The following PDX1 variants were observed in gnomAD, a reference collection of about 807,000 sequenced individuals.
PDX1 encodes pancreatic and duodenal homeobox 1, also known as pancreas/duodenum homeobox protein 1.
Under a neutral mutation model 11.1 loss-of-function variants are expected in PDX1, and 7 were observed. The ratio of observed to expected loss-of-function variants is 0.63; its 90% CI spans 0.36 to 1.19. The LOEUF (loss-of-function observed/expected upper bound fraction) is 1.19, where lower values mean the gene tolerates loss of function less well. Ranked by LOEUF, PDX1 falls within the 50% of genes most tolerant of loss-of-function variation. PDX1 has a pLI of 0.02. For synonymous variants in PDX1, 232 were observed against 196.2 expected, an observed-to-expected ratio of 1.18 and a Z score of -1.53; for missense variants, 449 against 412.1, an observed-to-expected ratio of 1.09 and a Z score of -0.78.
At position 27,924,619 on chromosome 13, in the gene PDX1, G is replaced by T; in HGVS notation, c.770G>T (p.Arg257Leu). 2 of 1,471,902 alleles carry T rather than the reference G, an allele frequency of 1.4e-6. No individual in the cohort carries two copies. The highest frequency in any genetic ancestry group is 1.8e-6 in the Non-Finnish European group (2 of 1,117,160). 91.2% of individuals were successfully genotyped at this position (1,471,902 alleles called of 1,614,324 possible). The change falls in exon 2 of 2, where the codon CGA becomes CTA. Residue 257 changes from arginine to leucine, a missense_variant. This residue lies in a region of PDX1 where 139 missense variants were observed against 121.4 expected (regional missense o/e 1.14). Transcript: ENST00000381033. This position sits in a 1 kb window ranked among gnomAD's most constrained non-coding sequence, Gnocchi z 4.8. ...CCGCCCGCTGCCCCCGTTGCCGCCC[G>T]AGAGGGCCGCCTGCCGCCTGGCCTT... Reference protein sequence around the residue: ...AVPPAAPVAAREGRLPPGLSA... With the variant: ...AVPPAAPVAALEGRLPPGLSA...
rs1957813914 is a variant in PDX1, at chr13:27,924,816, T to C, written c.*115T>C. 1.2e-6 allele frequency: 1 copy of C among 862,284 alleles called. No individual in the cohort carries two copies. Among genetic ancestry groups the C allele is most frequent in the Admixed American group, 4.2e-5 (1 of 23,990 alleles). The allele number at this position is 862,284 out of a possible 1,614,324, so 53.4% of individuals were successfully genotyped here. On this transcript the variant is annotated 3_prime_UTR_variant, in exon 2 of 2. Transcript: ENST00000381033. This position sits in a 1 kb window ranked among gnomAD's most constrained non-coding sequence, Gnocchi z 4.8. ...CCCTGGCAGTTGAATGGGGCGGCAATTGCGGGGCCCACCTTAGACCGAAGG... is the reference window on the plus strand; with the variant it reads ...CCCTGGCAGTTGAATGGGGCGGCAACTGCGGGGCCCACCTTAGACCGAAGG...
At position 27,920,192 on chromosome 13, in the gene PDX1, C is replaced by T; in HGVS notation, c.54C>T (p.Cys18=). The T allele has an allele frequency of 6.5e-7, 1 of 1,549,854 alleles. No homozygotes were observed. The highest frequency in any genetic ancestry group is 8.7e-7 in the Non-Finnish European group (1 of 1,146,658). Residue 18 remains cysteine, a synonymous_variant, in exon 1 of 2, where the codon TGC becomes TGT. Transcript: ENST00000381033. ...CCACGCAGCTTTACAAGGACCCATG[C>T]GCGTTCCAGCGAGGCCCGGCGCCGG... ...YAATQLYKDP[C]AFQRGPAPEF...
In PDX1 at chr13:27,920,130, GC is replaced by G; in HGVS notation, c.-7del. On this transcript the variant is annotated 5_prime_UTR_variant, in exon 1 of 2. Transcript: ENST00000381033. Reference sequence around the variant, plus strand: ...CCCGGCTCCCGGTGCCCAATCCCGGGCCGCAGCCATGAACGGCGAGGAGCAG... The same window carrying G: ...CCCGGCTCCCGGTGCCCAATCCCGGGCGCAGCCATGAACGGCGAGGAGCAG... 1 of 1,549,522 alleles carries G rather than the reference GC, an allele frequency of 6.5e-7. No homozygotes were observed. The highest frequency in any genetic ancestry group is 8.7e-7 in the Non-Finnish European group (1 of 1,146,604).
chr13:27,924,407 C>T lies in PDX1; in HGVS notation c.558C>T (p.Thr186=), dbSNP rs768380374. Reference sequence around the variant, plus strand: ...AGCTGGCTGTCATGTTGAACTTGACCGAGAGACACATCAAGATCTGGTTCC... The same window carrying T: ...AGCTGGCTGTCATGTTGAACTTGACTGAGAGACACATCAAGATCTGGTTCC... The part of the protein sequence containing the change: ...RVELAVMLNL[T]ERHIKIWFQN... The change falls in exon 2 of 2, where the codon ACC becomes ACT. Residue 186 remains threonine (T), a synonymous_variant. Transcript: ENST00000381033. The surrounding 1 kb of genome is among the most constrained non-coding windows in gnomAD (Gnocchi z 4.8). 3.7e-6 allele frequency: 6 copies of T among 1,613,192 alleles called. No homozygotes were observed. The highest frequency in any genetic ancestry group is 4.5e-5 in the East Asian group (2 of 44,858).
Position 27,920,528 on chromosome 13 carries a change from G to C in PDX1, c.390G>C (p.Trp130Cys). Residue 130 changes from tryptophan to cysteine, a missense_variant, in exon 1 of 2, where the codon TGG (tryptophan) becomes TGC (cysteine). Trp to Cys is a radical substitution (Grantham distance 215, BLOSUM62 -2). Around this residue, in one of 3 missense-constraint regions of PDX1, gnomAD observed 263 missense variants for 212.5 expected, o/e 1.24. Coordinates refer to ENST00000381033, the MANE Select transcript of PDX1 (RefSeq NM_000209.4). ...TGAAGTCTACCAAAGCTCACGCGTG[G>C]AAAGGCCAGTGGGCAGGTAAGCCTG... Reference protein sequence around the residue: ...PWMKSTKAHAWKGQWAGGAYA... With the variant: ...PWMKSTKAHACKGQWAGGAYA... The C allele has an allele frequency of 1.2e-6, 2 of 1,613,028 alleles. No homozygotes were observed. The highest frequency in any genetic ancestry group is 3.3e-4 in the Middle Eastern group (2 of 6,062).
chr13:27,920,313 C>G lies in PDX1; in HGVS notation c.175C>G (p.Gln59Glu). The change falls in exon 1 of 2, where the codon CAG becomes GAG. Residue 59 changes from glutamine to glutamate, a missense_variant. Gln to Glu is a conservative substitution (Grantham distance 29). Transcript: ENST00000381033. ...CCCTGGCGCCCTGGGCGCGCTGGAG[C>G]AGGGCAGCCCCCCGGACATCTCCCC... ...PFPGALGALE[Q>E]GSPPDISPYE... is the part of the protein sequence containing the mutation. 6.5e-7 allele frequency: 1 copy of G among 1,540,872 alleles called. No individual in the cohort carries two copies.
chr13:27,922,038 C>T (rs1957791208), intron 1 of PDX1, among the ~76,000 whole-genome samples: 2 of 152,336 alleles, frequency 1.3e-5, no homozygotes, highest in East Asian at 1.9e-4. Context: ...CTCTTCTGGC[C>T]TCCTAGGCCC....
Position 27,920,408 on chromosome 13 carries a change from C to T in PDX1, c.270C>T (p.Leu90=), listed in dbSNP as rs1193016884. 4.5e-6 allele frequency: 7 copies of T among 1,557,098 alleles called. No homozygotes were observed. The highest frequency in any genetic ancestry group is 6.1e-6 in the Non-Finnish European group (7 of 1,150,954). The part of the protein sequence containing the change: ...AHLHHHLPAQ[L]ALPHPPAGPF... ...TTCACCACCACCTCCCGGCTCAGCT[C>T]GCGCTCCCCCACCCGCCCGCCGGGC... Residue 90 remains leucine, a synonymous_variant, in exon 1 of 2, where the codon CTC becomes CTT. Coordinates refer to ENST00000381033, the MANE Select transcript of PDX1 (RefSeq NM_000209.4).
intron 1 of PDX1, among the ~76,000 whole-genome samples, chr13:27,922,549 C>A (rs1176586377): frequency 6.6e-6 from 1 of 152,168 alleles, no homozygotes; most frequent in African/African-American, 2.4e-5. Context: ...AAACATTGAC[C>A]CCCAAATGCT....
chr13:27,922,627 G>A (rs972452170), intron 1 of PDX1, among the ~76,000 whole-genome samples: 2 of 152,148 alleles, frequency 1.3e-5, no homozygotes, highest in Admixed American at 6.5e-5. Flanking sequence ...CCCAGGCTTG[G>A]CGACCTTGAC....
Position 27,920,379 on chromosome 13 carries a change from C to A in PDX1, c.241C>A (p.His81Asn). The A allele has an allele frequency of 6.5e-7, 1 of 1,547,514 alleles. No homozygotes were observed. Among genetic ancestry groups the A allele is most frequent in the South Asian group, 1.2e-5 (1 of 83,950 alleles). The part of the protein sequence containing the change: ...PPLADDPAVA[H>N]LHHHLPAQLA... Reference sequence around the variant, plus strand: ...CCTCGCCGACGACCCCGCGGTGGCGCACCTTCACCACCACCTCCCGGCTCA... The same window carrying A: ...CCTCGCCGACGACCCCGCGGTGGCGAACCTTCACCACCACCTCCCGGCTCA... The change falls in exon 1 of 2, where the codon CAC becomes AAC. Residue 81 changes from histidine (H) to asparagine (N), a missense_variant. Around this residue, in one of 3 missense-constraint regions of PDX1, gnomAD observed 263 missense variants for 212.5 expected, o/e 1.24. Coordinates refer to ENST00000381033, the MANE Select transcript of PDX1 (RefSeq NM_000209.4).
At chr13:27,921,625 G>T (rs1957788667) in intron 1 of PDX1, among the ~76,000 whole-genome samples, 1 of 152,224 alleles carries the variant, frequency 6.6e-6, no homozygotes, top group Non-Finnish European at 1.5e-5. Flanking sequence ...AAAATCCTCA[G>T]CGCCCATCTG....
In PDX1 at chr13:27,924,539, C is replaced by G. The variant is rs759874752; in HGVS notation, c.690C>G (p.Thr230=). The change falls in exon 2 of 2, where the codon ACC becomes ACG. Residue 230 remains threonine, a synonymous_variant. Transcript: ENST00000381033. This position sits in a 1 kb window ranked among gnomAD's most constrained non-coding sequence, Gnocchi z 4.8. ...VAEPEQDCAV[T]SGEELLALPP... ...AGCCTGAGCAGGACTGCGCCGTGACCTCCGGCGAGGAGCTTCTGGCGCTGC... is the reference window on the plus strand; with the variant it reads ...AGCCTGAGCAGGACTGCGCCGTGACGTCCGGCGAGGAGCTTCTGGCGCTGC... 1 of 1,587,566 alleles carries G rather than the reference C, an allele frequency of 6.3e-7. No individual in the cohort carries two copies. Among genetic ancestry groups the G allele is most frequent in the Non-Finnish European group, 8.6e-7 (1 of 1,168,628 alleles).
In PDX1 at chr13:27,925,863, G is replaced by A. The variant is rs1566026396; in HGVS notation, c.*1162G>A. 6.5e-6 allele frequency: 1 copy of A among 152,714 alleles called. No homozygotes were observed. The highest frequency in any genetic ancestry group is 1.5e-5 in the Non-Finnish European group (1 of 68,472). 9.5% of individuals were successfully genotyped at this position (152,714 alleles called of 1,614,324 possible). A position where few individuals can be genotyped will look rare whatever the true frequency, so the allele number is the denominator to read the frequency against. On this transcript the variant is annotated 3_prime_UTR_variant, in exon 2 of 2. Transcript: ENST00000381033. ...GGATCTGGGGGTGAGGGAGAAAGAT[G>A]GACCCCTGGGTGACCACTAAACCAA... is the stretch of plus-strand genomic sequence containing the variant.
At chr13:27,920,658 G>T (rs991097151) in intron 1 of PDX1, 114 bp downstream of exon 1, 4 of 1,090,840 alleles carry the variant, frequency 3.7e-6, no homozygotes, top group African/African-American at 1.5e-5. Flanking sequence ...ATCCCGGGTC[G>T]GACTAAACTA....
At chr13:27,921,445 G>A (rs907480559) in intron 1 of PDX1, among the ~76,000 whole-genome samples, 26 of 152,246 alleles carry the variant, frequency 1.7e-4, no homozygotes, top group Non-Finnish European at 2.9e-4. Flanking sequence ...GGCCCCGCGC[G>A]AGCGGCAAGT....
Position 27,920,445 on chromosome 13 carries a change from G to A in PDX1, c.307G>A (p.Gly103Arg), listed in dbSNP as rs757687785. Residue 103 changes from glycine to arginine, a missense_variant, in exon 1 of 2, where the codon GGA becomes AGA. Transcript: ENST00000381033. ...CCCGCCCGCCGGGCCCTTCCCGGAG[G>A]GAGCCGAGCCGGGCGTCCTGGAGGA... Reference protein sequence around the residue: ...PHPPAGPFPEGAEPGVLEEPN... With the variant: ...PHPPAGPFPERAEPGVLEEPN... 3.1e-5 allele frequency: 50 copies of A among 1,589,232 alleles called. No homozygotes were observed. In the South Asian group the frequency reaches 3.4e-4, roughly 11 times the overall value.
At position 27,926,124 on chromosome 13, in the gene PDX1, T is replaced by C. The variant is rs548276958; in HGVS notation, c.*1423T>C. ...CCTAACAGTTATTTACAAACAGGTC[T>C]GTGCATCCCAGGTCTGTCTTCTTTT... On this transcript the variant is annotated 3_prime_UTR_variant, in exon 2 of 2. Coordinates refer to ENST00000381033, the MANE Select transcript of PDX1 (RefSeq NM_000209.4). 6 of 152,362 alleles carry C rather than the reference T, an allele frequency of 3.9e-5. No homozygotes were observed. The highest frequency in any genetic ancestry group is 1.4e-4 in the African/African-American group (6 of 41,578). 9.4% of individuals were successfully genotyped at this position (152,362 alleles called of 1,614,324 possible).
chr13:27,920,317 G>T lies in PDX1; in HGVS notation c.179G>T (p.Gly60Val). 6.5e-7 allele frequency: 1 copy of T among 1,542,486 alleles called. No homozygotes were observed. Among genetic ancestry groups the T allele is most frequent in the African/African-American group, 1.4e-5 (1 of 72,956 alleles). The change falls in exon 1 of 2, where the codon GGC (glycine) becomes GTC (valine). Residue 60 changes from glycine (G) to valine (V), a missense_variant. By Grantham distance (109) the Gly-to-Val change is moderately radical. Coordinates refer to ENST00000381033, the MANE Select transcript of PDX1 (RefSeq NM_000209.4). ...FPGALGALEQ[G>V]SPPDISPYEV... ...GGCGCCCTGGGCGCGCTGGAGCAGG[G>T]CAGCCCCCCGGACATCTCCCCGTAC...
Sources: allele counts gnomAD v4.1 joint callset (sites outside exome capture counted in the v4.1 genomes callset), GRCh38; gene constraint gnomAD v4.1.1; regional missense constraint gnomAD v4.1.1; non-coding constraint Gnocchi (gnomAD v3.1); transcripts MANE v1.5; gene names NCBI Gene and HGNC (gene_info 2026-07-23, HGNC 2026-07-21).